CEMIP: variants seen among roughly 807,000 people sequenced by gnomAD.
CEMIP encodes cell migration-inducing and hyaluronan-binding protein.
CEMIP carries 105 observed loss-of-function variants against 156.9 expected under a neutral mutation model. The observed-to-expected ratio is 0.67, with a 90% CI of 0.57 to 0.79. CEMIP has a LOEUF of 0.79. Among genes scored for constraint, CEMIP ranks in the 30% least tolerant of loss-of-function variants. The pLI, the probability that CEMIP is intolerant of heterozygous loss-of-function variation, is 0.00. For missense variants in CEMIP, 1,457 were observed against 1,769.4 expected (o/e 0.82, Z 3.17); for synonymous variants, 676 against 668.4 (o/e 1.01, Z -0.17).
At chr15:80,930,227 TCCTTC>T (rs1262191352) in intron 21 of CEMIP, among the ~76,000 whole-genome samples, 2 of 152,272 alleles carry the variant, frequency 1.3e-5, no homozygotes, top group Non-Finnish European at 2.9e-5. Context: ...AATCATGGTC[TCCTTC>T]AGCATGAGCT....
intron 14 of CEMIP, 30 bp from the exon 15 acceptor site, chr15:80,920,064 G>A (rs752200084): frequency 6.2e-7 from 1 of 1,607,744 alleles, no homozygotes. Flanking sequence ...CTGGATGCTT[G>A]GTGAAACACC....
chr15:80,788,863 A>G (rs1034465104), intron 1 of CEMIP, among the ~76,000 whole-genome samples: 1 of 152,062 alleles, frequency 6.6e-6, no homozygotes, highest in African/African-American at 2.4e-5. Flanking sequence ...CTAAAGCTTT[A>G]TATTAGACAC....
At chr15:80,912,452 T>C (rs933146357) in intron 14 of CEMIP, among the ~76,000 whole-genome samples, 1 of 152,198 alleles carries the variant, frequency 6.6e-6, no homozygotes, top group Non-Finnish European at 1.5e-5. Context: ...AGTTACAGCC[T>C]GGTCTTGGTG....
At chr15:80,821,793 G>A (rs868412227) in intron 1 of CEMIP, among the ~76,000 whole-genome samples, 1 of 152,224 alleles carries the variant, frequency 6.6e-6, no homozygotes, top group South Asian at 2.1e-4. Flanking sequence ...AGGAGAAGGA[G>A]GACTGCCTGA....
intron 1 of CEMIP, among the ~76,000 whole-genome samples, chr15:80,802,497 C>T (rs1310796105): frequency 1.3e-5 from 2 of 152,192 alleles, no homozygotes; most frequent in African/African-American, 2.4e-5. Context: ...CCCACACACC[C>T]GGATGTTGAC....
intron 10 of CEMIP, among the ~76,000 whole-genome samples, chr15:80,893,863 T>TTTTTTTTTTTTTTTTTTTTTTTC (rs1899120047): frequency 6.6e-6 from 1 of 152,058 alleles, no homozygotes. Flanking sequence ...TGGCTATACT[T>TTTTTTTTTTTTTTTTTTTTTTTC]TCCTTCCTTA....
intron 1 of CEMIP, among the ~76,000 whole-genome samples, chr15:80,848,894 G>A (rs562042997): frequency 1.8e-4 from 6 of 34,262 alleles, no homozygotes; most frequent in Admixed American, 3.2e-4. Flanking sequence ...ATGAGCGTGT[G>A]CGCGTGCACA....
intron 1 of CEMIP, among the ~76,000 whole-genome samples, chr15:80,808,788 A>G (rs536951895): frequency 0.094 from 1,729 of 18,354 alleles, 30 homozygotes; most frequent in African/African-American, 0.16. Context: ...GGGGAAGCCA[A>G]AAAAAAAAAA....
At chr15:80,787,809 G>T (rs1300905062) in intron 1 of CEMIP, among the ~76,000 whole-genome samples, 1 of 152,234 alleles carries the variant, frequency 6.6e-6, no homozygotes, top group Admixed American at 6.5e-5. Context: ...CTCACCATGT[G>T]TGGGCCCTTC....
At chr15:80,857,152 C>A (rs111945318) in intron 1 of CEMIP, among the ~76,000 whole-genome samples, 2 of 152,222 alleles carry the variant, frequency 1.3e-5, no homozygotes, top group African/African-American at 4.8e-5. Context: ...TAGAGAAAGT[C>A]TATCTGCTGT....
intron 12 of CEMIP, among the ~76,000 whole-genome samples, chr15:80,899,010 C>T (rs1419773015): frequency 2.6e-5 from 4 of 152,038 alleles, no homozygotes; most frequent in South Asian, 2.1e-4. Flanking sequence ...GTCAAGAGTT[C>T]GAGACCAGCC....
intron 1 of CEMIP, among the ~76,000 whole-genome samples, chr15:80,808,523 G>A (rs963050891): frequency 1.3e-5 from 2 of 151,950 alleles, no homozygotes; most frequent in African/African-American, 4.8e-5. Context: ...AAAATAACAA[G>A]CCAGGATACA....
chr15:80,828,541 G>C (rs996201883), intron 1 of CEMIP, among the ~76,000 whole-genome samples: 2 of 152,156 alleles, frequency 1.3e-5, no homozygotes, highest in Non-Finnish European at 2.9e-5. Flanking sequence ...AATACTAGAA[G>C]GGTTGTTCAT....
intron 15 of CEMIP, 125 bp downstream of exon 15, chr15:80,920,424 C>A: frequency 1.2e-6 from 1 of 818,584 alleles, no homozygotes; most frequent in Non-Finnish European, 1.9e-6. Context: ...TTGGGCCTCA[C>A]AGCCCTTAAC....
intron 1 of CEMIP, among the ~76,000 whole-genome samples, chr15:80,871,681 C>T (rs1898297685): frequency 6.6e-6 from 1 of 152,080 alleles, no homozygotes; most frequent in Non-Finnish European, 1.5e-5. Flanking sequence ...GATTTGGGGC[C>T]CTTTGGCAGC....
At chr15:80,938,220 A>C in intron 25 of CEMIP, 1 of 485,094 alleles carries the variant, frequency 2.1e-6, no homozygotes, top group South Asian at 2.3e-5. Context: ...GAATTTACAT[A>C]TTTCAGAAAA....
At chr15:80,877,308 G>A (rs897459375) in intron 3 of CEMIP, among the ~76,000 whole-genome samples, 33 of 152,156 alleles carry the variant, frequency 2.2e-4, no homozygotes, top group Non-Finnish European at 4.4e-5. Flanking sequence ...TTGCTCAAGA[G>A]ACACAGCCTC....
chr15:80,874,467 G>GT lies in CEMIP; in HGVS notation c.94+496dup, dbSNP rs201425169. On this transcript the variant is annotated intron_variant, in intron 3 of 29. Coordinates refer to ENST00000394685, the MANE Select transcript of CEMIP (RefSeq NM_001293298.2). ...AATGTAAAAACCACTCTAATAGGCT[G>GT]TTAAAAAAAAAAACAAAAACAAAAA... Among the ~76,000 whole-genome samples, 41 of 122,030 alleles carry GT rather than the reference G, an allele frequency of 3.4e-4. No homozygotes were observed. In the East Asian group the frequency reaches 0.017, roughly 51 times the overall value. 80.1% of individuals were successfully genotyped at this position (122,030 alleles called of 152,430 possible).
In CEMIP at chr15:80,948,661, C is replaced by G. The variant is rs1020165539; in HGVS notation, c.3959-136C>G. The G allele has an allele frequency of 2.5e-6, 3 of 1,188,164 alleles. No homozygotes were observed. The African/African-American group carries it at 4.5e-5, about 18-fold the overall frequency. 73.6% of individuals were successfully genotyped at this position (1,188,164 alleles called of 1,614,324 possible). ...TCAGTAGCTGAGCACAGAGCTCTTC[C>G]CAAGGGGCCACAGTGCAGTGTGGCT... On this transcript the variant is annotated intron_variant, in intron 29 of 29. Transcript: ENST00000394685.
Sources: gnomAD v4.1 joint callset for allele counts (sites outside exome capture counted in the v4.1 genomes callset) on GRCh38, gnomAD v4.1.1 for gene constraint, MANE v1.5 for transcripts, NCBI Gene and HGNC (gene_info 2026-07-23, HGNC 2026-07-21) for gene names.